Variants in ATRNL1 observed in about 807,000 individuals in gnomAD.
ATRNL1 encodes attractin-like protein 1.
ATRNL1 carries 95 observed loss-of-function variants against 182.7 expected under a neutral mutation model. The observed-to-expected ratio is 0.52, with a 90% CI of 0.44 to 0.62. ATRNL1 has a LOEUF of 0.62. ATRNL1 is among the 20% of genes least tolerant of loss of function. The pLI is 0.00. For synonymous variants in ATRNL1, 576 were observed against 568.3 expected, an observed-to-expected ratio of 1.01 and a Z score of -0.19; for missense variants, 1,471 against 1,679.5, an observed-to-expected ratio of 0.88 and a Z score of 2.17.
intron 24 of ATRNL1, among the ~76,000 whole-genome samples, chr10:115,511,245 C>A (rs1351081443): frequency 6.6e-6 from 1 of 151,810 alleles, no homozygotes; most frequent in Non-Finnish European, 1.5e-5. Flanking sequence ...GAATAGATTT[C>A]ATCGTGGATC....
chr10:115,941,623 C>A (rs1953732441), intron 28 of ATRNL1, among the ~76,000 whole-genome samples: 1 of 152,070 alleles, frequency 6.6e-6, no homozygotes, highest in Non-Finnish European at 1.5e-5. Flanking sequence ...GGTCTCTGTC[C>A]ACATTAAAGG....
At chr10:115,472,882 T>C (rs1159076817) in intron 24 of ATRNL1, among the ~76,000 whole-genome samples, 3 of 151,296 alleles carry the variant, frequency 2.0e-5, no homozygotes, top group Middle Eastern at 3.4e-3. Context: ...CTATGTTGAA[T>C]AGAAGTAGTG....
intron 1 of ATRNL1, among the ~76,000 whole-genome samples, chr10:115,106,391 C>A (rs549420865): frequency 1.4e-4 from 21 of 151,914 alleles, no homozygotes; most frequent in African/African-American, 5.1e-4. Context: ...CAGATGAGAC[C>A]TTGGGGGTGC....
intron 26 of ATRNL1, among the ~76,000 whole-genome samples, chr10:115,660,139 G>T (rs944330970): frequency 6.6e-6 from 1 of 152,126 alleles, no homozygotes; most frequent in South Asian, 2.1e-4. Context: ...ACGAACCAAT[G>T]TATATTCACC....
At chr10:115,711,828 A>C (rs545394977) in intron 26 of ATRNL1, among the ~76,000 whole-genome samples, 4 of 152,324 alleles carry the variant, frequency 2.6e-5, no homozygotes, top group African/African-American at 9.6e-5. Flanking sequence ...CTAATACTAG[A>C]ATGTGTAAAG....
At chr10:115,280,175 T>C (rs910867350) in intron 13 of ATRNL1, among the ~76,000 whole-genome samples, 1 of 152,218 alleles carries the variant, frequency 6.6e-6, no homozygotes, top group Admixed American at 6.5e-5. Flanking sequence ...AAGAACCTGA[T>C]GTGTGAAGCT....
intron 27 of ATRNL1, among the ~76,000 whole-genome samples, chr10:115,763,885 A>G (rs1478045263): frequency 6.6e-6 from 1 of 152,214 alleles, no homozygotes; most frequent in Non-Finnish European, 1.5e-5. Context: ...TGCCTATTAC[A>G]TAACATTCAC....
intron 8 of ATRNL1, among the ~76,000 whole-genome samples, chr10:115,202,186 A>G (rs1848609300): frequency 6.6e-6 from 1 of 152,092 alleles, no homozygotes; most frequent in South Asian, 2.1e-4. Context: ...AACAGGGACA[A>G]TTTGACTTCC....
At chr10:115,727,839 G>A (rs997951605) in intron 27 of ATRNL1, among the ~76,000 whole-genome samples, 5 of 152,016 alleles carry the variant, frequency 3.3e-5, no homozygotes, top group African/African-American at 1.2e-4. Context: ...TTTATTTGTG[G>A]TTAATTGCTG....
chr10:115,904,640 T>C (rs971120731), intron 28 of ATRNL1, among the ~76,000 whole-genome samples: 11 of 152,358 alleles, frequency 7.2e-5, no homozygotes, highest in African/African-American at 2.6e-4. Flanking sequence ...TATAGTCATG[T>C]TTCTAAAAGA....
intron 26 of ATRNL1, among the ~76,000 whole-genome samples, chr10:115,682,027 T>C (rs1293337859): frequency 6.6e-6 from 1 of 152,162 alleles, no homozygotes; most frequent in Non-Finnish European, 1.5e-5. Flanking sequence ...GTTGTAGTGA[T>C]TTTTTTAGAC....
chr10:115,466,099 T>C (rs1379798550), intron 22 of ATRNL1, among the ~76,000 whole-genome samples: 1 of 151,462 alleles, frequency 6.6e-6, no homozygotes, highest in Admixed American at 6.6e-5. Flanking sequence ...CTGCTATTCA[T>C]CAGGGAAAGG....
At chr10:115,875,349 T>C (rs1166539899) in intron 28 of ATRNL1, among the ~76,000 whole-genome samples, 3 of 152,296 alleles carry the variant, frequency 2.0e-5, no homozygotes, top group African/African-American at 4.8e-5. Flanking sequence ...ATTTAGACAA[T>C]TGAAGCTTGC....
chr10:115,527,972 CCTTCCCTCCCTCCCTCCCTCCCTCCCTT>C (rs1851326588), intron 25 of ATRNL1, among the ~76,000 whole-genome samples: 1 of 50,160 alleles, frequency 2.0e-5, no homozygotes, highest in African/African-American at 1.0e-4. Context: ...CTCCCTCCCT[CCTTCCCTCCCTCCCTCCCTCCCTCCCTT>C]CCTTCCTTCC....
intron 17 of ATRNL1, among the ~76,000 whole-genome samples, chr10:115,305,142 T>A (rs1853663594): frequency 6.6e-6 from 1 of 151,834 alleles, no homozygotes; most frequent in African/African-American, 2.4e-5. Flanking sequence ...AGATGAGTCA[T>A]CTTCCCATTT....
At chr10:115,713,705 C>CTATCTATCTATCTATCTATCATCT (rs1555055340) in intron 26 of ATRNL1, among the ~76,000 whole-genome samples, 69 of 101,268 alleles carry the variant, frequency 6.8e-4, no homozygotes, top group East Asian at 5.9e-3. Flanking sequence ...ATCTATCTAT[C>CTATCTATCTATCTATCTATCATCT]ATCTATCTAT....
intron 26 of ATRNL1, among the ~76,000 whole-genome samples, chr10:115,558,168 G>A (rs766002473): frequency 5.9e-5 from 9 of 151,988 alleles, no homozygotes; most frequent in Non-Finnish European, 8.8e-5. Flanking sequence ...TGAGTTGCCC[G>A]GGTCCTTGGA....
At chr10:115,432,174 A>G (rs1846203045) in intron 21 of ATRNL1, among the ~76,000 whole-genome samples, 1 of 152,150 alleles carries the variant, frequency 6.6e-6, no homozygotes. Context: ...ATCAGTTTTA[A>G]AAGTCATTAA....
At chr10:115,860,041 C>G (rs1220764639) in intron 28 of ATRNL1, among the ~76,000 whole-genome samples, 8 of 152,116 alleles carry the variant, frequency 5.3e-5, no homozygotes, top group African/African-American at 9.7e-5. Context: ...GGTAGCATAT[C>G]CAAAGCTTTC....
Sources: gnomAD v4.1 joint callset for allele counts (sites outside exome capture counted in the v4.1 genomes callset) on GRCh38, gnomAD v4.1.1 for gene constraint, MANE v1.5 for transcripts, NCBI Gene and HGNC (gene_info 2026-07-23, HGNC 2026-07-21) for gene names.